The following UBXN4 variants were observed in gnomAD, a reference collection of about 807,000 sequenced individuals.
The protein encoded by UBXN4 is UBX domain protein 4.
Under a neutral mutation model 66.2 loss-of-function variants are expected in UBXN4, and 35 were observed. That is an observed-to-expected ratio of 0.53 (90% CI 0.40 to 0.70). UBXN4 has a LOEUF of 0.70. Among genes scored for constraint, UBXN4 ranks in the 30% least tolerant of loss-of-function variants. The pLI, the probability that UBXN4 is intolerant of heterozygous loss-of-function variation, is 0.00. For missense variants in UBXN4, 533 were observed against 599.8 expected (o/e 0.89, Z 1.16); for synonymous variants, 203 against 204.5 (o/e 0.99, Z 0.06).
At position 135,779,035 on chromosome 2, in the gene UBXN4, C is replaced by A. The variant is rs1341693245; in HGVS notation, c.1141C>A (p.Leu381Met). The change falls in exon 11 of 13, where the codon CTG becomes ATG. Residue 381 changes from leucine (L) to methionine (M), a missense_variant. Physicochemically the swap from Leu to Met is conservative, Grantham distance 15. Around this residue, in one of 2 missense-constraint regions of UBXN4, gnomAD observed 529 missense variants for 580.1 expected, o/e 0.91. Coordinates refer to ENST00000272638, the MANE Select transcript of UBXN4 (RefSeq NM_014607.4). The stretch of plus-strand genomic sequence containing the variant: ...CAAAGAAGATTATAAAAAGAAGTTA[C>A]TGGATTTGGAACTTGCCCCAAGCGC... ...FTKEDYKKKL[L>M]DLELAPSASV... The A allele has an allele frequency of 1.2e-6, 2 of 1,613,730 alleles. No homozygotes were observed. Among genetic ancestry groups the A allele is most frequent in the Admixed American group, 3.3e-5 (2 of 59,960 alleles).
At chr2:135,776,475 G>A (rs2077415376) in intron 10 of UBXN4, 124 bp downstream of exon 10, 1 of 704,754 alleles carries the variant, frequency 1.4e-6, no homozygotes, top group African/African-American at 1.8e-5. Flanking sequence ...GGAGGCACAA[G>A]ACGCCTCTGA....
Position 135,769,761 on chromosome 2 carries a change from T to A in UBXN4, c.603-8T>A, listed in dbSNP as rs756153715. On this transcript the variant is annotated splice_region_variant and splice_polypyrimidine_tract_variant and intron_variant, in intron 6 of 12. Coordinates refer to ENST00000272638, the MANE Select transcript of UBXN4 (RefSeq NM_014607.4). ...CAATTAGTGGTGGTTTTTTTTTTTT[T>A]AATACAGACTAACAAAAAAACTTGA... is the stretch of plus-strand genomic sequence containing the variant. 9.0e-6 allele frequency: 14 copies of A among 1,563,244 alleles called. No homozygotes were observed. The highest frequency in any genetic ancestry group is 4.2e-5 in the African/African-American group (3 of 72,190).
At chr2:135,742,113 G>C in intron 1 of UBXN4, 102 bp downstream of exon 1, 1 of 1,356,642 alleles carries the variant, frequency 7.4e-7, no homozygotes, top group Non-Finnish European at 1.0e-6. Flanking sequence ...CGAGACGCGG[G>C]CTCCTGTCGG....
At chr2:135,776,423 A>T in intron 10 of UBXN4, 72 bp downstream of exon 10, 1 of 1,342,584 alleles carries the variant, frequency 7.4e-7, no homozygotes, top group South Asian at 1.3e-5. Context: ...GAAAATTTCA[A>T]AGCAGAAGTT....
chr2:135,744,373 G>A (rs2077194354), intron 1 of UBXN4, among the ~76,000 whole-genome samples: 1 of 150,490 alleles, frequency 6.6e-6, no homozygotes, highest in African/African-American at 2.5e-5. Flanking sequence ...GGAGACGAGA[G>A]ATTACTACTA....
At chr2:135,781,589 G>A (rs576177835) in intron 12 of UBXN4, among the ~76,000 whole-genome samples, 1 of 152,238 alleles carries the variant, frequency 6.6e-6, no homozygotes, top group African/African-American at 2.4e-5. Context: ...TTGTGATTGG[G>A]CTGCTTTGTC....
intron 1 of UBXN4, among the ~76,000 whole-genome samples, chr2:135,746,104 T>C (rs2077206370): frequency 6.6e-6 from 1 of 152,032 alleles, no homozygotes; most frequent in South Asian, 2.1e-4. Flanking sequence ...TCTAGATCTC[T>C]TGACCTCGTG....
intron 1 of UBXN4, among the ~76,000 whole-genome samples, chr2:135,744,019 CT>C (rs2077192977): frequency 6.6e-6 from 1 of 152,130 alleles, no homozygotes; most frequent in South Asian, 2.1e-4. Context: ...ATCCAGCTAG[CT>C]TTTTTAGAGC....
At chr2:135,766,861 T>C (rs554222860) in intron 6 of UBXN4, among the ~76,000 whole-genome samples, 1 of 152,352 alleles carries the variant, frequency 6.6e-6, no homozygotes, top group East Asian at 1.9e-4. Flanking sequence ...TCAGCATTCA[T>C]TGATTTTTGC....
At chr2:135,778,308 A>C (rs1424080517) in intron 10 of UBXN4, among the ~76,000 whole-genome samples, 1 of 152,154 alleles carries the variant, frequency 6.6e-6, no homozygotes, top group Non-Finnish European at 1.5e-5. Context: ...AAAAATACGA[A>C]AAACAAGTTA....
chr2:135,778,818 C>CT, intron 10 of UBXN4, 130 bp from the exon 11 acceptor site: 5 of 1,038,520 alleles, frequency 4.8e-6, no homozygotes, highest in South Asian at 2.6e-5. Context: ...AATTTTATAC[C>CT]TTTTTTTGAG....
intron 1 of UBXN4, among the ~76,000 whole-genome samples, chr2:135,744,564 C>T (rs558210213): frequency 6.6e-6 from 1 of 152,180 alleles, no homozygotes; most frequent in East Asian, 1.9e-4. Flanking sequence ...TGATAGACGC[C>T]ATTTTCTGCC....
At chr2:135,773,599 G>A (rs1377319489) in intron 9 of UBXN4, among the ~76,000 whole-genome samples, 2 of 152,046 alleles carry the variant, frequency 1.3e-5, no homozygotes, top group Admixed American at 6.6e-5. Context: ...ATACCAGAAC[G>A]AATGACACAT....
rs370107655 is a variant in UBXN4 at position 135,772,651 on chromosome 2, A to G, written c.950+104A>G. ...TGTATACTGTGGTTATAAGCAGTCC[A>G]TTCCAGAGGGACATATTAATTTGAC... On this transcript the variant is annotated intron_variant, in intron 9 of 12. Coordinates refer to ENST00000272638, the MANE Select transcript of UBXN4 (RefSeq NM_014607.4). 6 of 1,403,088 alleles carry G rather than the reference A, an allele frequency of 4.3e-6. 1 individual carries two copies. The highest frequency in any genetic ancestry group is 3.7e-4 in the Middle Eastern group (2 of 5,390). 86.9% of individuals were successfully genotyped at this position (1,403,088 alleles called of 1,614,324 possible).
chr2:135,769,865 C>G, intron 7 of UBXN4, 42 bp downstream of exon 7: 1 of 1,480,728 alleles, frequency 6.8e-7, no homozygotes, highest in Non-Finnish European at 9.1e-7. Flanking sequence ...CTCTCATTAA[C>G]TGAGGTTGTG....
chr2:135,749,240 T>A (rs1322781565), intron 2 of UBXN4, among the ~76,000 whole-genome samples: 7 of 152,212 alleles, frequency 4.6e-5, no homozygotes, highest in African/African-American at 1.4e-4. Flanking sequence ...AACTTGGAAG[T>A]AATGGTAAAT....
At chr2:135,753,412 T>A (rs1261456792) in intron 2 of UBXN4, 127 bp from the exon 3 acceptor site, 2 of 637,428 alleles carry the variant, frequency 3.1e-6, no homozygotes, top group African/African-American at 1.9e-5. Flanking sequence ...TCAACCTGAT[T>A]GCTGTGAAAG....
At chr2:135,760,788 A>G (rs2077310563) in intron 5 of UBXN4, among the ~76,000 whole-genome samples, 1 of 152,238 alleles carries the variant, frequency 6.6e-6, no homozygotes, top group African/African-American at 2.4e-5. Context: ...GTAAACATTT[A>G]TCAGAAGGAT....
At chr2:135,761,701 A>G in intron 5 of UBXN4, 117 bp from the exon 6 acceptor site, 1 of 856,534 alleles carries the variant, frequency 1.2e-6, no homozygotes, top group Non-Finnish European at 1.7e-6. Context: ...TTTTTAGGGA[A>G]AATATATAAT....
Sources: allele counts gnomAD v4.1 joint callset (sites outside exome capture counted in the v4.1 genomes callset), GRCh38; gene constraint gnomAD v4.1.1; regional missense constraint gnomAD v4.1.1; transcripts MANE v1.5; gene names NCBI Gene and HGNC (gene_info 2026-07-23, HGNC 2026-07-21).